The following APOM variants were observed in gnomAD, a reference collection of about 807,000 sequenced individuals.
APOM encodes apolipoprotein M, also known as NG20-like protein.
In APOM, 24 loss-of-function variants were observed where a neutral mutation model predicts 23.5. The ratio of observed to expected loss-of-function variants is 1.02; its 90% CI spans 0.74 to 1.44. The LOEUF is 1.44. APOM is among the 40% of genes most tolerant of loss of function. APOM has a pLI of 0.00. For missense variants in APOM, 200 were observed against 233.2 expected, an observed-to-expected ratio of 0.86 and a Z score of 0.93; for synonymous variants, 82 against 84.1, an observed-to-expected ratio of 0.97 and a Z score of 0.14.
At chr6:31,657,989 C>T (rs1800322264) in intron 5 of APOM, 75 bp from the exon 6 acceptor site, 4 of 1,455,048 alleles carry the variant, frequency 2.7e-6, no homozygotes, top group Non-Finnish European at 2.9e-6. Context: ...CGTTCTCCCC[C>T]ACCCCATTAC....
At chr6:31,656,208 A>G in intron 1 of APOM, 128 bp downstream of exon 1, 2 of 832,440 alleles carry the variant, frequency 2.4e-6, no homozygotes, top group Middle Eastern at 3.5e-4. Flanking sequence ...TGATAATGAA[A>G]GCAAGAAGAA....
At chr6:31,656,135 G>A in intron 1 of APOM, 55 bp downstream of exon 1, 1 of 1,350,108 alleles carries the variant, frequency 7.4e-7, no homozygotes, top group Non-Finnish European at 1.0e-6. Context: ...GACTTGGGTG[G>A]ATGGCCTAGG....
At chr6:31,656,405 G>C in intron 1 of APOM, 67 bp from the exon 2 acceptor site, 2 of 1,531,562 alleles carry the variant, frequency 1.3e-6, no homozygotes, top group Non-Finnish European at 1.8e-6. Context: ...TGTTTTGACT[G>C]ATGAAGAGGT....
upstream of APOM, among the ~76,000 whole-genome samples, chr6:31,654,767 C>T (rs1408328800): frequency 6.6e-6 from 1 of 152,190 alleles, no homozygotes; most frequent in Non-Finnish European, 1.5e-5. Context: ...GAACTTATTA[C>T]CCACCAGAAA....
At chr6:31,657,027 T>C (rs1249392961) in intron 2 of APOM, among the ~76,000 whole-genome samples, 198 bp from the exon 3 acceptor site, 2 of 151,844 alleles carry the variant, frequency 1.3e-5, no homozygotes, top group Non-Finnish European at 2.9e-5. Flanking sequence ...GCACCTGTAG[T>C]CCCAGCTACT....
intron 2 of APOM, among the ~76,000 whole-genome samples, chr6:31,656,913 G>A (rs1461204972): frequency 2.0e-5 from 3 of 152,190 alleles, no homozygotes; most frequent in East Asian, 1.9e-4. Flanking sequence ...TTGGGAGGCT[G>A]AGGCGGACAG....
upstream of APOM, among the ~76,000 whole-genome samples, chr6:31,654,630 C>G (rs1319235542): frequency 6.6e-6 from 1 of 152,190 alleles, no homozygotes; most frequent in Non-Finnish European, 1.5e-5. Context: ...GAGACCCTGT[C>G]TTAAAAATAA....
intron 1 of APOM, 115 bp downstream of exon 1, chr6:31,656,195 T>C (rs1800034226): frequency 1.1e-6 from 1 of 874,020 alleles, no homozygotes; most frequent in South Asian, 1.6e-5. Flanking sequence ...GGTGTGAGTG[T>C]TGTGATAATG....
upstream of APOM, among the ~76,000 whole-genome samples, chr6:31,653,568 A>AT (rs1259691401): frequency 6.6e-6 from 1 of 152,196 alleles, no homozygotes; most frequent in Non-Finnish European, 1.5e-5. Flanking sequence ...AGCTTTTAAC[A>AT]TTTTTTAAGT....
upstream of APOM, among the ~76,000 whole-genome samples, chr6:31,653,443 A>G (rs1326658697): frequency 6.6e-6 from 1 of 152,214 alleles, no homozygotes; most frequent in Non-Finnish European, 1.5e-5. Context: ...CGTAGTTTAT[A>G]CCCAGGTCCT....
chr6:31,657,666 A>C lies in APOM; in HGVS notation c.484A>C (p.Lys162Gln). 2 of 1,613,136 alleles carry C rather than the reference A, an allele frequency of 1.2e-6. No individual in the cohort carries two copies. Among genetic ancestry groups the C allele is most frequent in the Non-Finnish European group, 1.7e-6 (2 of 1,180,020 alleles). Residue 162 changes from lysine (K) to glutamine (Q), a missense_variant, in exon 5 of 6, where the codon AAG becomes CAG. Transcript: ENST00000375916. ...TCCCGAAAAGTGTGTGGAGGAATTCAAGTCCCTGACTTCCTGCCTGGACTC... is the reference window on the plus strand; with the variant it reads ...TCCCGAAAAGTGTGTGGAGGAATTCCAGTCCCTGACTTCCTGCCTGGACTC... The part of the protein sequence containing the change: ...HPPEKCVEEF[K>Q]SLTSCLDSKA...
Position 31,656,610 on chromosome 6 carries a change from C to T in APOM, c.253C>T (p.Arg85Cys), listed in dbSNP as rs529627933. The T allele has an allele frequency of 7.4e-6, 12 of 1,614,030 alleles. No homozygotes were observed. In the South Asian group the frequency reaches 9.9e-5, roughly 13 times the overall value. Residue 85 changes from arginine (R) to cysteine (C), a missense_variant, in exon 2 of 6, where the codon CGT (arginine) becomes TGT (cysteine). Transcript: ENST00000375916. Reference sequence around the variant, plus strand: ...CTCTGCCCCGATGCAGCTCCACCTTCGTGCTACCATCCGCATGTGAGTGGT... The same window carrying T: ...CTCTGCCCCGATGCAGCTCCACCTTTGTGCTACCATCCGCATGTGAGTGGT... ...AGSAPMQLHL[R>C]ATIRMKDGLC...
In APOM at chr6:31,656,460, T is replaced by C; in HGVS notation, c.115-12T>C. On this transcript the variant is annotated splice_polypyrimidine_tract_variant and intron_variant, in intron 1 of 5. Transcript: ENST00000375916. ...AACCCACCCTCTTTTGCTCCCTTCATTGTCTCTCCAGTTCCCAGAGGTCCA... is the reference window on the plus strand; with the variant it reads ...AACCCACCCTCTTTTGCTCCCTTCACTGTCTCTCCAGTTCCCAGAGGTCCA... 6.2e-7 allele frequency: 1 copy of C among 1,613,022 alleles called. No homozygotes were observed. Among genetic ancestry groups the C allele is most frequent in the Non-Finnish European group, 8.5e-7 (1 of 1,179,530 alleles).
At chr6:31,656,910 G>A (rs1238778078) in intron 2 of APOM, among the ~76,000 whole-genome samples, 2 of 152,184 alleles carry the variant, frequency 1.3e-5, no homozygotes, top group Admixed American at 1.3e-4. Flanking sequence ...ACTTTGGGAG[G>A]CTGAGGCGGA....
At position 31,657,297 on chromosome 6, in the gene APOM, A is replaced by C; in HGVS notation, c.342A>C (p.Glu114Asp). 1.2e-6 allele frequency: 2 copies of C among 1,613,052 alleles called. No individual in the cohort carries two copies. Among genetic ancestry groups the C allele is most frequent in the Non-Finnish European group, 1.7e-6 (2 of 1,180,026 alleles). ...AAGGGAGCACAGATCTCAGAACTGA[A>C]GGTTGGTTCTTCCCAGCCCTCACCC... ...LTEGSTDLRTEGRPDMKTELF... is the reference protein window; with the variant it reads ...LTEGSTDLRTDGRPDMKTELF... The change falls in exon 3 of 6, where the codon GAA becomes GAC. Residue 114 changes from glutamate (E) to aspartate (D), a missense_variant and splice_region_variant. By Grantham distance (45) the Glu-to-Asp change is conservative. Coordinates refer to ENST00000375916, the MANE Select transcript of APOM (RefSeq NM_019101.3).
chr6:31,653,004 C>G (rs1049190177), upstream of APOM, among the ~76,000 whole-genome samples: 4 of 152,084 alleles, frequency 2.6e-5, no homozygotes, highest in African/African-American at 9.7e-5. Flanking sequence ...GTTACTCTTT[C>G]AGTAGGCGTT....
upstream of APOM, among the ~76,000 whole-genome samples, chr6:31,654,517 C>T (rs576232655): frequency 7.0e-4 from 106 of 152,128 alleles, no homozygotes; most frequent in African/African-American, 2.4e-3. Context: ...GGTGAAACTC[C>T]GTGTCTACAA....
chr6:31,656,140 C>G, intron 1 of APOM, 60 bp downstream of exon 1: 1 of 1,324,800 alleles, frequency 7.5e-7, no homozygotes, highest in Non-Finnish European at 1.1e-6. Context: ...GGGTGGATGG[C>G]CTAGGATGAC....
intron 2 of APOM, 31 bp downstream of exon 2, chr6:31,656,657 G>A (rs369862708): frequency 1.2e-5 from 20 of 1,605,030 alleles, no homozygotes; most frequent in African/African-American, 2.7e-5. Context: ...AGCATCACTG[G>A]GTTCAGTCTC....
Sources: gnomAD v4.1 joint callset for allele counts (sites outside exome capture counted in the v4.1 genomes callset) on GRCh38, gnomAD v4.1.1 for gene constraint, MANE v1.5 for transcripts, NCBI Gene and HGNC (gene_info 2026-07-23, HGNC 2026-07-21) for gene names.